PCDHGA1: variants seen among roughly 807,000 people sequenced by gnomAD.
The protein encoded by PCDHGA1 is protocadherin gamma subfamily A, 1.
Under a neutral mutation model 58.0 loss-of-function variants are expected in PCDHGA1, and 32 were observed. The ratio of observed to expected loss-of-function variants is 0.55; its 90% CI spans 0.42 to 0.74. The LOEUF is 0.74. Ranked by LOEUF, PCDHGA1 falls within the 30% of genes least tolerant of loss-of-function variation. PCDHGA1 has a pLI of 0.00. For missense variants in PCDHGA1, 1,205 were observed against 1,182.3 expected, an observed-to-expected ratio of 1.02 and a Z score of -0.28; for synonymous variants, 498 against 501.1, an observed-to-expected ratio of 0.99 and a Z score of 0.08.
chr5:141,417,647 C>G, intron 1 of PCDHGA1: 8 of 812,384 alleles, frequency 9.8e-6, no homozygotes, highest in Non-Finnish European at 1.5e-5. Flanking sequence ...ATCCCTCAGC[C>G]TCTAGCCTGG....
At chr5:141,387,211 C>T (rs184165131) in intron 1 of PCDHGA1, among the ~76,000 whole-genome samples, 35 of 152,068 alleles carry the variant, frequency 2.3e-4, no homozygotes, top group African/African-American at 7.7e-4. Flanking sequence ...TGATACTCTC[C>T]GGAAAAAGTT....
intron 1 of PCDHGA1, chr5:141,365,005 C>T (rs1329280545): frequency 1.2e-6 from 2 of 1,613,788 alleles, no homozygotes; most frequent in South Asian, 1.1e-5. Flanking sequence ...TCTCCGGCAC[C>T]ACGCACATCC....
chr5:141,465,048 A>AT (rs905091014), intron 1 of PCDHGA1, among the ~76,000 whole-genome samples: 18 of 151,226 alleles, frequency 1.2e-4, no homozygotes, highest in African/African-American at 4.4e-4. Context: ...GACCCTATAT[A>AT]TTTTTTTGAA....
At chr5:141,398,414 G>C (rs373274513) in intron 1 of PCDHGA1, 1 of 1,487,954 alleles carries the variant, frequency 6.7e-7, no homozygotes, top group Non-Finnish European at 9.3e-7. Flanking sequence ...GAGGAGATAT[G>C]CGGGAAGAAG....
intron 1 of PCDHGA1, chr5:141,423,465 G>T: frequency 6.2e-7 from 1 of 1,614,006 alleles, no homozygotes; most frequent in South Asian, 1.1e-5. Context: ...GCGTGGACGG[G>T]GTACAGGCTT....
chr5:141,483,904 T>A (rs11750647), intron 1 of PCDHGA1, among the ~76,000 whole-genome samples: 24,531 of 151,676 alleles, frequency 0.16, 2,105 homozygotes, highest in African/African-American at 0.21. Context: ...CTCTGGTGTG[T>A]TTCCCACTCA....
In PCDHGA1 at chr5:141,422,911, G is replaced by C. The variant is rs375046528; in HGVS notation, c.2422-71896G>C. ...GCTGGACCAGAACGACAATGCGCCC[G>C]AGATCCTGTACCCTGCCCTCCCCAC... On this transcript the variant is annotated intron_variant, in intron 1 of 3. Transcript: ENST00000517417. 41 of 1,614,236 alleles carry C rather than the reference G, an allele frequency of 2.5e-5. No individual in the cohort carries two copies. Among genetic ancestry groups the C allele is most frequent in the Non-Finnish European group, 3.2e-5 (38 of 1,180,046 alleles).
At position 141,393,231 on chromosome 5, in the gene PCDHGA1, G is replaced by A. The variant is rs1309107381; in HGVS notation, c.2421+60126G>A. On this transcript the variant is annotated intron_variant, in intron 1 of 3. Transcript: ENST00000517417. Reference sequence around the variant, plus strand: ...AAAATTCCAGGTCGAAGATCTAGAAGTAAAAATTAACGAAATCGCGGTTCC... The same window carrying A: ...AAAATTCCAGGTCGAAGATCTAGAAATAAAAATTAACGAAATCGCGGTTCC... 2.5e-6 allele frequency: 4 copies of A among 1,613,738 alleles called. 1 individual carries two copies. In the South Asian group the frequency reaches 4.4e-5, roughly 18 times the overall value.
chr5:141,372,754 G>A (rs201408759), intron 1 of PCDHGA1: 907 of 1,612,900 alleles, frequency 5.6e-4, no homozygotes, highest in Non-Finnish European at 7.2e-4. Flanking sequence ...GAAGCCTCTT[G>A]GTTTGAAAGT....
chr5:141,423,006 T>A, intron 1 of PCDHGA1: 2 of 1,614,198 alleles, frequency 1.2e-6, no homozygotes, highest in Non-Finnish European at 1.7e-6. Context: ...CCAAGGTGGT[T>A]GCGGTGGACA....
intron 1 of PCDHGA1, among the ~76,000 whole-genome samples, chr5:141,472,815 C>T (rs1562036829): frequency 1.3e-5 from 2 of 151,596 alleles, no homozygotes; most frequent in East Asian, 1.9e-4. Flanking sequence ...GAGAAACCCC[C>T]GTCTCTACTA....
At chr5:141,385,188 T>A (rs1352073072) in intron 1 of PCDHGA1, 2 of 1,614,080 alleles carry the variant, frequency 1.2e-6, no homozygotes, top group African/African-American at 1.3e-5. Flanking sequence ...CCGCGGACTC[T>A]CGGAAGAGTC....
intron 1 of PCDHGA1, among the ~76,000 whole-genome samples, chr5:141,446,150 A>G (rs754792549): frequency 6.6e-6 from 1 of 152,216 alleles, no homozygotes; most frequent in Non-Finnish European, 1.5e-5. Flanking sequence ...GAATAGGTGG[A>G]ATATAAATTT....
intron 1 of PCDHGA1, chr5:141,364,893 G>T (rs750465493): frequency 1.2e-6 from 2 of 1,613,968 alleles, no homozygotes; most frequent in Admixed American, 3.3e-5. Flanking sequence ...GGAACTGATG[G>T]ACAAAAGTAT....
chr5:141,345,577 A>T (rs754155522), intron 1 of PCDHGA1: 1 of 1,614,160 alleles, frequency 6.2e-7, no homozygotes, highest in Admixed American at 1.7e-5. Flanking sequence ...GGCGTCCTAT[A>T]CGCGCTGAGA....
At chr5:141,364,258 C>T (rs1763242096) in intron 1 of PCDHGA1, 2 of 1,497,150 alleles carry the variant, frequency 1.3e-6, no homozygotes, top group Non-Finnish European at 1.8e-6. Flanking sequence ...GAATATGTAC[C>T]CATCGGCTTT....
In PCDHGA1 at chr5:141,372,691, A is replaced by G. The variant is rs780199454; in HGVS notation, c.2421+39586A>G. The G allele has an allele frequency of 9.3e-6, 15 of 1,613,914 alleles. No homozygotes were observed. In the Admixed American group the frequency reaches 1.2e-4, roughly 13 times the overall value. ...TCACATTCCTCAAACACCGAGTTTA[A>G]ATTTCTCAATATAAAGGCTGAAAAT... On this transcript the variant is annotated intron_variant, in intron 1 of 3. Transcript: ENST00000517417.
chr5:141,450,565 C>A (rs1024229182), intron 1 of PCDHGA1, among the ~76,000 whole-genome samples: 4 of 152,016 alleles, frequency 2.6e-5, no homozygotes, highest in African/African-American at 9.7e-5. Flanking sequence ...CGGCTCACTG[C>A]AACTTCTGCC....
intron 1 of PCDHGA1, chr5:141,338,886 T>G: frequency 6.8e-7 from 1 of 1,466,502 alleles, no homozygotes; most frequent in South Asian, 1.5e-5. Context: ...CCGTGAATGC[T>G]GGTTATCTCA....
Sources: allele counts gnomAD v4.1 joint callset (sites outside exome capture counted in the v4.1 genomes callset), GRCh38; gene constraint gnomAD v4.1.1; transcripts MANE v1.5; gene names NCBI Gene and HGNC (gene_info 2026-07-23, HGNC 2026-07-21).